Variants in LAMB2 observed in about 807,000 individuals in gnomAD.
LAMB2 encodes the protein laminin subunit beta 2, also known as laminin subunit beta-2.
LAMB2 carries 119 observed loss-of-function variants against 202.7 expected under a neutral mutation model. That is an observed-to-expected ratio of 0.59 (90% CI 0.51 to 0.68). The LOEUF is 0.68. Ranked by LOEUF, LAMB2 falls within the 30% of genes least tolerant of loss-of-function variation. The probability of loss-of-function intolerance (pLI) is 0.00; values close to 1 mark genes in which losing one functional copy is unlikely to be tolerated. For synonymous variants in LAMB2, 818 were observed against 902.2 expected (o/e 0.91, Z 1.67); for missense variants, 2,124 against 2,410.6 (o/e 0.88, Z 2.49).
In LAMB2 at chr3:49,123,603, G is replaced by A. The variant is rs754393937; in HGVS notation, c.3826C>T (p.Leu1276=). 3.7e-6 allele frequency: 6 copies of A among 1,614,044 alleles called. No individual in the cohort carries two copies. The African/African-American group carries it at 6.7e-5, about 18-fold the overall frequency. The change falls in exon 25 of 32, where the codon CTG becomes TTG. Residue 1276 remains leucine (L), a synonymous_variant. Transcript: ENST00000305544. ...GTCAGGTCTGCCTCGAGCTGAGTCA[G>A]GTGCTCAGTGGCCTCCCCAATTTCA... ...RREIGEATEH[L]TQLEADLTDV...
intron 18 of LAMB2, 65 bp downstream of exon 18, chr3:49,125,682 G>A: frequency 1.3e-6 from 2 of 1,588,416 alleles, no homozygotes; most frequent in Non-Finnish European, 1.7e-6. Flanking sequence ...GGTCCAGAAG[G>A]AGGAGAGAGA....
In LAMB2 at chr3:49,131,964, C is replaced by G; in HGVS notation, c.459+152G>C. 1.1e-6 allele frequency: 1 copy of G among 893,156 alleles called. No individual in the cohort carries two copies. Among genetic ancestry groups the G allele is most frequent in the Admixed American group, 2.0e-5 (1 of 51,254 alleles). The allele number at this position is 893,156 out of a possible 1,614,324, so 55.3% of individuals were successfully genotyped here. On this transcript the variant is annotated intron_variant, in intron 4 of 31. Transcript: ENST00000305544. The surrounding 1 kb of genome is among the most constrained non-coding windows in gnomAD (Gnocchi z 5.0). The stretch of plus-strand genomic sequence containing the variant: ...GATTGGAAAGGCAGAAGAGCATGTG[C>G]AAAGGCCTGGAGGCAAATGGAAGGT...
intron 27 of LAMB2, 140 bp from the exon 28 acceptor site, chr3:49,122,510 G>A: frequency 1.0e-6 from 1 of 955,718 alleles, no homozygotes. Context: ...CAAGGACAGG[G>A]ACTATACAAG....
At position 49,129,043 on chromosome 3, in the gene LAMB2, C is replaced by T. The variant is rs1399900596; in HGVS notation, c.1708G>A (p.Glu570Lys). ...ACCTGCCCTCGGGTGTCCTCAGCCT[C>T]CCAAATTAGGTGGTCCAGGAAGGGC... The part of the protein sequence containing the change: ...FRPFLDHLIW[E>K]AEDTRGQVLD... The change falls in exon 13 of 32, where the codon GAG becomes AAG. Residue 570 changes from glutamate to lysine, a missense_variant. Glu to Lys is a moderately conservative substitution (Grantham distance 56, BLOSUM62 1). This residue lies in a region of LAMB2 where 1,702 missense variants were observed against 1,896.3 expected (regional missense o/e 0.90). Transcript: ENST00000305544. The surrounding 1 kb of genome is among the most constrained non-coding windows in gnomAD (Gnocchi z 6.1). 1 of 1,611,772 alleles carries T rather than the reference C, an allele frequency of 6.2e-7. No homozygotes were observed.
At position 49,129,331 on chromosome 3, in the gene LAMB2, G is replaced by C; in HGVS notation, c.1519-7C>G. 1 of 1,610,726 alleles carries C rather than the reference G, an allele frequency of 6.2e-7. No homozygotes were observed. Among genetic ancestry groups the C allele is most frequent in the East Asian group, 2.2e-5 (1 of 44,846 alleles). ...TCAGGCCCCAGTGGCCAGGCTGCACGAAAGGAGTTGCTGGGGGCCAGAAAC... is the reference window on the plus strand; with the variant it reads ...TCAGGCCCCAGTGGCCAGGCTGCACCAAAGGAGTTGCTGGGGGCCAGAAAC... On this transcript the variant is annotated splice_polypyrimidine_tract_variant and splice_region_variant and intron_variant, in intron 11 of 31. Coordinates refer to ENST00000305544, the MANE Select transcript of LAMB2 (RefSeq NM_002292.4). This position sits in a 1 kb window ranked among gnomAD's most constrained non-coding sequence, Gnocchi z 6.1.
At chr3:49,127,490 T>C (rs2107641283) in intron 15 of LAMB2, among the ~76,000 whole-genome samples, 1 of 151,988 alleles carries the variant, frequency 6.6e-6, no homozygotes, top group East Asian at 1.9e-4. Flanking sequence ...GGTCAGGAGA[T>C]CGAGACCATC....
At chr3:49,126,561 T>C in intron 15 of LAMB2, 64 bp from the exon 16 acceptor site, 2 of 1,597,960 alleles carry the variant, frequency 1.3e-6, no homozygotes, top group Non-Finnish European at 1.7e-6. Context: ...CATCTGGGCC[T>C]CCCCCATCCT....
rs572483658 is a variant in LAMB2 at position 49,123,923 on chromosome 3, A to G, written c.3602T>C (p.Val1201Ala). ...HACFGDWDRV[V>A]QDLAARTQRL... ...CTGTGTACGGGCTGCCAAGTCCTGC[A>G]CCACTCGGTCCCAATCCCCGAAGCA... is the stretch of plus-strand genomic sequence containing the variant. The change falls in exon 24 of 32, where the codon GTG (valine) becomes GCG (alanine). Residue 1201 changes from valine (V) to alanine (A), a missense_variant. Val to Ala is a moderately conservative substitution (Grantham distance 64). Coordinates refer to ENST00000305544, the MANE Select transcript of LAMB2 (RefSeq NM_002292.4). 1.9e-6 allele frequency: 3 copies of G among 1,613,250 alleles called. No individual in the cohort carries two copies. Among genetic ancestry groups the G allele is most frequent in the Non-Finnish European group, 1.7e-6 (2 of 1,180,030 alleles).
At position 49,124,247 on chromosome 3, in the gene LAMB2, G is replaced by A. The variant is rs767072232; in HGVS notation, c.3367C>T (p.Arg1123Trp). Residue 1123 changes from arginine to tryptophan, a missense_variant, in exon 23 of 32, where the codon CGG (arginine) becomes TGG (tryptophan). Physicochemically the swap from Arg to Trp is moderately radical, Grantham distance 101. Coordinates refer to ENST00000305544, the MANE Select transcript of LAMB2 (RefSeq NM_002292.4). ...QCHCRAGFGG[R>W]TCSECQELHW... is the part of the protein sequence containing the mutation. ...AGCTCTTGGCACTCAGAACAAGTCC[G>A]CCCTCCAAAGCCGGCACGGCAGTGG... is the stretch of plus-strand genomic sequence containing the variant. 2.0e-5 allele frequency: 32 copies of A among 1,613,780 alleles called. No homozygotes were observed. Among genetic ancestry groups the A allele is most frequent in the Non-Finnish European group, 2.5e-6 (3 of 1,179,934 alleles).
In LAMB2 at chr3:49,125,474, G is replaced by C; in HGVS notation, c.2499C>G (p.Cys833Trp). 1 of 1,596,428 alleles carries C rather than the reference G, an allele frequency of 6.3e-7. No homozygotes were observed. The highest frequency in any genetic ancestry group is 8.5e-7 in the Non-Finnish European group (1 of 1,171,606). ...FGPTGCQACQ[C>W]SHEGALSSLC... is the part of the protein sequence containing the mutation. Reference sequence around the variant, plus strand: ...GACTGCTGAGTGCCCCCTCGTGGCTGCACTGGCAGGCTAGGAGCAAGGCAG... The same window carrying C: ...GACTGCTGAGTGCCCCCTCGTGGCTCCACTGGCAGGCTAGGAGCAAGGCAG... Residue 833 changes from cysteine to tryptophan, a missense_variant, in exon 19 of 32, where the codon TGC (cysteine) becomes TGG (tryptophan). Transcript: ENST00000305544.
rs1408497119 is a variant in LAMB2, at chr3:49,130,180, G to C, written c.1225+51C>G. 2.5e-6 allele frequency: 4 copies of C among 1,606,322 alleles called. No homozygotes were observed. Among genetic ancestry groups the C allele is most frequent in the Non-Finnish European group, 3.4e-6 (4 of 1,175,038 alleles). On this transcript the variant is annotated intron_variant, in intron 9 of 31. Transcript: ENST00000305544. The surrounding 1 kb of genome is among the most constrained non-coding windows in gnomAD (Gnocchi z 5.0). ...ATTTAGACAGCAGTCCAGCTCTCTA[G>C]TTCCTGCCCCAGGCTCAGCTTTCTC...
rs748207171 is a variant in LAMB2 at position 49,123,602 on chromosome 3, A to G, written c.3827T>C (p.Leu1276Pro). The G allele has an allele frequency of 6.2e-7, 1 of 1,614,178 alleles. No individual in the cohort carries two copies. Among genetic ancestry groups the G allele is most frequent in the Non-Finnish European group, 8.5e-7 (1 of 1,180,046 alleles). Residue 1276 changes from leucine to proline, a missense_variant, in exon 25 of 32, where the codon CTG becomes CCG. Physicochemically the swap from Leu to Pro is moderately conservative, Grantham distance 98. This residue lies in a region of LAMB2 where 1,702 missense variants were observed against 1,896.3 expected (regional missense o/e 0.90). Transcript: ENST00000305544. The stretch of plus-strand genomic sequence containing the variant: ...TGTCAGGTCTGCCTCGAGCTGAGTC[A>G]GGTGCTCAGTGGCCTCCCCAATTTC... ...RREIGEATEH[L>P]TQLEADLTDV...
chr3:49,124,320 A>T (rs367666620), intron 22 of LAMB2, 34 bp from the exon 23 acceptor site: 5 of 1,610,268 alleles, frequency 3.1e-6, no homozygotes, highest in Non-Finnish European at 4.2e-6. Flanking sequence ...CAGAGCCTCT[A>T]TAAGAGGCTA....
rs759787114 is a variant in LAMB2 at position 49,124,992 on chromosome 3, C to T, written c.2884+14G>A. The T allele has an allele frequency of 1.2e-6, 2 of 1,613,930 alleles. No individual in the cohort carries two copies. Among genetic ancestry groups the T allele is most frequent in the South Asian group, 2.2e-5 (2 of 91,072 alleles). On this transcript the variant is annotated intron_variant, in intron 20 of 31. Transcript: ENST00000305544. The stretch of plus-strand genomic sequence containing the variant: ...CAACTCACCCTGATCCCACGCCTGC[C>T]CCCATCCACTCACCCGTATAGCCTG...
Position 49,124,308 on chromosome 3 carries a change from G to A in LAMB2, c.3328-22C>T, listed in dbSNP as rs114005644. ...TGAACTGGGGTGGGAACAAGGCAGG[G>A]TCAGAGCCTCTATAAGAGGCTAAGC... is the stretch of plus-strand genomic sequence containing the variant. On this transcript the variant is annotated intron_variant, in intron 22 of 31. Coordinates refer to ENST00000305544, the MANE Select transcript of LAMB2 (RefSeq NM_002292.4). 9,213 of 1,613,822 alleles carry A rather than the reference G, an allele frequency of 5.7e-3. 43 individuals carry two copies. Among genetic ancestry groups the A allele is most frequent in the Non-Finnish European group, 7.2e-3 (8,439 of 1,179,906 alleles).
rs200141829 is a variant in LAMB2 at position 49,131,731 on chromosome 3, G to C, written c.460-8C>G. On this transcript the variant is annotated splice_region_variant and splice_polypyrimidine_tract_variant and intron_variant, in intron 4 of 31. Coordinates refer to ENST00000305544, the MANE Select transcript of LAMB2 (RefSeq NM_002292.4). This position sits in a 1 kb window ranked among gnomAD's most constrained non-coding sequence, Gnocchi z 5.0. The stretch of plus-strand genomic sequence containing the variant: ...GGCAGCAGGGCGAAATGTCTGGGTA[G>C]GGGGGCATAGCTGATCAGCAGGCAC... The C allele has an allele frequency of 3.1e-5, 50 of 1,612,688 alleles. No individual in the cohort carries two copies. The African/African-American group carries it at 6.4e-4, about 21-fold the overall frequency.
Position 49,121,259 on chromosome 3 carries a change from G to A in LAMB2, c.5364C>T (p.Asn1788=), listed in dbSNP as rs759204562. Residue 1788 remains asparagine (N), a synonymous_variant, in exon 32 of 32, where the codon AAC becomes AAT. Transcript: ENST00000305544. ...ARMRSVLQAI[N]LQVQIYNTCQ is the part of the protein sequence containing the mutation. Reference sequence around the variant, plus strand: ...AGGTGTTGTAGATCTGCACCTGCAAGTTGATGGCTTGAAGCACGCTGCGCA... The same window carrying A: ...AGGTGTTGTAGATCTGCACCTGCAAATTGATGGCTTGAAGCACGCTGCGCA... The A allele has an allele frequency of 1.9e-6, 3 of 1,612,348 alleles. No individual in the cohort carries two copies. The highest frequency in any genetic ancestry group is 1.1e-5 in the South Asian group (1 of 91,004).
Position 49,124,907 on chromosome 3 carries a change from C to T in LAMB2, c.2903G>A (p.Cys968Tyr), listed in dbSNP as rs771183113. 10 of 1,613,980 alleles carry T rather than the reference C, an allele frequency of 6.2e-6. No homozygotes were observed. Among genetic ancestry groups the T allele is most frequent in the Non-Finnish European group, 8.5e-6 (10 of 1,180,042 alleles). The change falls in exon 21 of 32, where the codon TGT becomes TAT. Residue 968 changes from cysteine (C) to tyrosine (Y), a missense_variant. By Grantham distance (194) the Cys-to-Tyr change is radical. This residue lies in a region of LAMB2 where 1,702 missense variants were observed against 1,896.3 expected (regional missense o/e 0.90). Coordinates refer to ENST00000305544, the MANE Select transcript of LAMB2 (RefSeq NM_002292.4). The part of the protein sequence containing the change: ...AGYTGLRCEA[C>Y]APGHFGDPSR... ...TGGGTCCCCAAAGTGCCCAGGGGCA[C>T]AAGCTTCACATCGCAGCCCTGCCCA...
intron 16 of LAMB2, 66 bp downstream of exon 16, chr3:49,126,299 A>G (rs1575533976): frequency 1.2e-6 from 2 of 1,611,994 alleles, no homozygotes; most frequent in African/African-American, 1.3e-5. Context: ...GACCCCTGCT[A>G]TCCCTCAAGT....
Sources: gnomAD v4.1 joint callset for allele counts (sites outside exome capture counted in the v4.1 genomes callset) on GRCh38, gnomAD v4.1.1 for gene constraint, gnomAD v4.1.1 regional missense constraint, Gnocchi (gnomAD v3.1) non-coding constraint, MANE v1.5 for transcripts, NCBI Gene and HGNC (gene_info 2026-07-23, HGNC 2026-07-21) for gene names.